The following VPS41 variants were observed in gnomAD, a reference collection of about 807,000 sequenced individuals.
VPS41 encodes vacuolar protein sorting-associated protein 41 homolog.
VPS41 carries 85 observed loss-of-function variants against 130.9 expected under a neutral mutation model. That is an observed-to-expected ratio of 0.65 (90% CI 0.55 to 0.78). The LOEUF (loss-of-function observed/expected upper bound fraction) is 0.78, where lower values mean the gene tolerates loss of function less well. Ranked by LOEUF, VPS41 falls within the 30% of genes least tolerant of loss-of-function variation. The pLI is 0.00. For synonymous variants in VPS41, 335 were observed against 332.9 expected (o/e 1.01, Z -0.07); for missense variants, 874 against 1,018.7 (o/e 0.86, Z 1.93).
intron 3 of VPS41, among the ~76,000 whole-genome samples, chr7:38,863,971 C>T (rs1286740109): frequency 6.6e-6 from 1 of 152,152 alleles, no homozygotes; most frequent in Non-Finnish European, 1.5e-5. Flanking sequence ...AAACAGAGAA[C>T]TCAAATGATT....
intron 4 of VPS41, among the ~76,000 whole-genome samples, chr7:38,857,018 G>A (rs1786002049): frequency 6.6e-6 from 1 of 152,316 alleles, no homozygotes; most frequent in Non-Finnish European, 1.5e-5. Context: ...AAGTAACAAA[G>A]AACTGTGAAA....
At chr7:38,738,811 T>C (rs2286106) in intron 25 of VPS41, among the ~76,000 whole-genome samples, 98,345 of 152,024 alleles carry the variant, frequency 0.65, 33,046 homozygotes, top group Admixed American at 0.78. Flanking sequence ...ACTAACAAGG[T>C]AGCCGGGTAT....
At chr7:38,809,937 G>C (rs1340388555) in intron 7 of VPS41, among the ~76,000 whole-genome samples, 1 of 151,848 alleles carries the variant, frequency 6.6e-6, no homozygotes, top group Non-Finnish European at 1.5e-5. Context: ...AAAAAATCCA[G>C]ACAACATTCA....
chr7:38,737,527 C>G (rs1795792944), intron 25 of VPS41, among the ~76,000 whole-genome samples: 1 of 152,170 alleles, frequency 6.6e-6, no homozygotes, highest in Non-Finnish European at 1.5e-5. Context: ...GGCAGAGCAG[C>G]ACCAAGTGCA....
chr7:38,853,755 A>C (rs1055033289), intron 4 of VPS41, among the ~76,000 whole-genome samples: 1 of 152,192 alleles, frequency 6.6e-6, no homozygotes, highest in Non-Finnish European at 1.5e-5. Context: ...AATTACTTCA[A>C]CCCTGACTTT....
intron 4 of VPS41, among the ~76,000 whole-genome samples, chr7:38,849,386 G>A (rs1785800704): frequency 6.6e-6 from 1 of 152,216 alleles, no homozygotes; most frequent in South Asian, 2.1e-4. Flanking sequence ...CTGCTTTATA[G>A]CAAGGACAAA....
chr7:38,737,282 G>A (rs1007285174), intron 25 of VPS41, among the ~76,000 whole-genome samples: 1 of 152,224 alleles, frequency 6.6e-6, no homozygotes, highest in South Asian at 2.1e-4. Context: ...TGATGCAGGA[G>A]AATTGTTTGA....
At chr7:38,763,224 T>C (rs1783958890) in intron 17 of VPS41, among the ~76,000 whole-genome samples, 1 of 152,204 alleles carries the variant, frequency 6.6e-6, no homozygotes, top group Non-Finnish European at 1.5e-5. Context: ...TTTTCTTTAG[T>C]TCTAGAAAGA....
intron 25 of VPS41, among the ~76,000 whole-genome samples, chr7:38,732,337 G>C (rs996205251): frequency 6.6e-6 from 1 of 152,168 alleles, no homozygotes; most frequent in South Asian, 2.1e-4. Context: ...CATGGAGTAG[G>C]TGTATGTTTA....
chr7:38,907,693 T>C (rs527429064), intron 1 of VPS41, among the ~76,000 whole-genome samples: 1 of 152,356 alleles, frequency 6.6e-6, no homozygotes, highest in South Asian at 2.1e-4. Context: ...CAGTGGTAAA[T>C]ATTTCATAGG....
intron 10 of VPS41, among the ~76,000 whole-genome samples, chr7:38,788,941 T>C (rs1319288302): frequency 6.6e-6 from 1 of 152,222 alleles, no homozygotes; most frequent in Non-Finnish European, 1.5e-5. Flanking sequence ...AACTTCACCT[T>C]GGCAGAATAA....
At chr7:38,792,837 C>T (rs1335695150) in intron 9 of VPS41, among the ~76,000 whole-genome samples, 2 of 151,996 alleles carry the variant, frequency 1.3e-5, no homozygotes. Flanking sequence ...CCCCCACTTA[C>T]ATCCCTCTCC....
In VPS41 at chr7:38,909,166, T is replaced by C; in HGVS notation, c.9A>G (p.Glu3=). Residue 3 remains glutamate, a synonymous_variant, in exon 1 of 29, where the codon GAA becomes GAG. Coordinates refer to ENST00000310301, the MANE Select transcript of VPS41 (RefSeq NM_014396.4). MA[E]AEEQETGSLE... is the part of the protein sequence containing the mutation. ...CTGCACCCTTTACCTGCTCCTCTGCTTCCGCCATGGCGCCACGGGAGAGTC... is the reference window on the plus strand; with the variant it reads ...CTGCACCCTTTACCTGCTCCTCTGCCTCCGCCATGGCGCCACGGGAGAGTC... 1 of 1,614,218 alleles carries C rather than the reference T, an allele frequency of 6.2e-7. No homozygotes were observed. Among genetic ancestry groups the C allele is most frequent in the Non-Finnish European group, 8.5e-7 (1 of 1,180,026 alleles).
chr7:38,867,844 G>A (rs1247946536), intron 3 of VPS41, among the ~76,000 whole-genome samples: 1 of 152,192 alleles, frequency 6.6e-6, no homozygotes, highest in African/African-American at 2.4e-5. Flanking sequence ...TCAGGGTTGA[G>A]AGTATGGCTG....
At chr7:38,770,973 T>TAA in intron 14 of VPS41, among the ~76,000 whole-genome samples, 1 of 152,336 alleles carries the variant, frequency 6.6e-6, no homozygotes, top group Non-Finnish European at 1.5e-5. Flanking sequence ...TTTCCACAGA[T>TAA]ACAGTTTCCA....
At chr7:38,757,079 T>C in intron 18 of VPS41, 97 bp from the exon 19 acceptor site, 1 of 960,804 alleles carries the variant, frequency 1.0e-6, no homozygotes, top group Non-Finnish European at 1.6e-6. Flanking sequence ...ATGGAAACAC[T>C]CCTTTAGAGA....
intron 9 of VPS41, among the ~76,000 whole-genome samples, chr7:38,790,640 T>C (rs2115949428): frequency 6.6e-6 from 1 of 152,320 alleles, no homozygotes; most frequent in Admixed American, 6.5e-5. Context: ...ATTTAAAGTA[T>C]ACAGGAGGAT....
chr7:38,883,947 G>A (rs933661873), intron 2 of VPS41, among the ~76,000 whole-genome samples: 2 of 152,192 alleles, frequency 1.3e-5, no homozygotes, highest in African/African-American at 4.8e-5. Flanking sequence ...AAATGAAAGA[G>A]CAAGTTTGTA....
In VPS41 at chr7:38,763,267, C is replaced by T. The variant is rs181933170; in HGVS notation, c.1422+188G>A. Among the ~76,000 whole-genome samples, 12 of 152,274 alleles carry T rather than the reference C, an allele frequency of 7.9e-5. No homozygotes were observed. The East Asian group carries it at 1.7e-3, about 22-fold the overall frequency. On this transcript the variant is annotated intron_variant, in intron 17 of 28. Coordinates refer to ENST00000310301, the MANE Select transcript of VPS41 (RefSeq NM_014396.4). Reference sequence around the variant, plus strand: ...TTTAAGGAATTCCTTAAAATGCACACGGACTAAGTGTTTTCACTGTCTACA... The same window carrying T: ...TTTAAGGAATTCCTTAAAATGCACATGGACTAAGTGTTTTCACTGTCTACA...
Sources: gnomAD v4.1 joint callset for allele counts (sites outside exome capture counted in the v4.1 genomes callset) on GRCh38, gnomAD v4.1.1 for gene constraint, MANE v1.5 for transcripts, NCBI Gene and HGNC (gene_info 2026-07-23, HGNC 2026-07-21) for gene names.